ACAP2: variants seen among roughly 807,000 people sequenced by gnomAD.
The protein encoded by ACAP2 is ArfGAP with coiled-coil, ankyrin repeat and PH domains 2, also known as arf-GAP with coiled-coil, ANK repeat and PH domain-containing protein 2.
A neutral mutation model predicts 115.8 loss-of-function variants in ACAP2; 39 were observed. That is an observed-to-expected ratio of 0.34 (90% CI 0.26 to 0.44). The LOEUF (loss-of-function observed/expected upper bound fraction) is 0.44. Ranked by LOEUF, ACAP2 falls within the 20% of genes least tolerant of loss-of-function variation. The pLI is 1.00. For synonymous variants in ACAP2, 289 were observed against 315.8 expected (o/e 0.92, Z 0.90); for missense variants, 662 against 927.6 (o/e 0.71, Z 3.72).
rs146206992 is a variant in ACAP2 at position 195,327,193 on chromosome 3, G to A, written c.670-234C>T. On this transcript the variant is annotated intron_variant, in intron 8 of 22. Transcript: ENST00000326793. ...AAAAATTTCCAAGAACAGTCATGGT[G>A]CCATACATATACGATTGCAGACCGT... Among the ~76,000 whole-genome samples, 77 of 152,258 alleles carry A rather than the reference G, an allele frequency of 5.1e-4. No homozygotes were observed. The East Asian group carries it at 0.015, about 29-fold the overall frequency.
intron 2 of ACAP2, among the ~76,000 whole-genome samples, chr3:195,382,255 A>G (rs189326338): frequency 6.6e-5 from 10 of 152,312 alleles, no homozygotes; most frequent in Non-Finnish European, 1.3e-4. Flanking sequence ...GCTGTGTGAT[A>G]ACAACAACAA....
intron 1 of ACAP2, among the ~76,000 whole-genome samples, chr3:195,399,510 C>T (rs570643510): frequency 2.6e-5 from 4 of 151,884 alleles, no homozygotes; most frequent in African/African-American, 7.2e-5. Flanking sequence ...TTTCCATCTA[C>T]GTTTGTATCT....
intron 1 of ACAP2, among the ~76,000 whole-genome samples, chr3:195,404,151 G>A (rs765242894): frequency 1.3e-5 from 2 of 151,978 alleles, no homozygotes; most frequent in Admixed American, 6.6e-5. Context: ...GACCAGCCTA[G>A]GCAACATACA....
At chr3:195,415,416 A>T (rs1306075213) in intron 1 of ACAP2, among the ~76,000 whole-genome samples, 1 of 151,682 alleles carries the variant, frequency 6.6e-6, no homozygotes, top group African/African-American at 2.4e-5. Context: ...AACTGGGACT[A>T]CGGGCGTGCA....
intron 6 of ACAP2, among the ~76,000 whole-genome samples, chr3:195,338,740 T>C (rs1283825596): frequency 6.6e-6 from 1 of 152,112 alleles, no homozygotes; most frequent in Non-Finnish European, 1.5e-5. Flanking sequence ...TTTATTTTTG[T>C]CTGTTATTAT....
chr3:195,324,833 T>G (rs1729669697), intron 9 of ACAP2, among the ~76,000 whole-genome samples: 1 of 151,950 alleles, frequency 6.6e-6, no homozygotes, highest in Admixed American at 6.6e-5. Flanking sequence ...ATGGAAAGGA[T>G]TTACTGAACA....
chr3:195,298,337 C>T (rs1346732411), intron 15 of ACAP2, among the ~76,000 whole-genome samples: 1 of 147,758 alleles, frequency 6.8e-6, no homozygotes, highest in South Asian at 2.1e-4. Context: ...CCCACTGCAA[C>T]TTCCACGTCC....
At chr3:195,377,484 T>G (rs1281342308) in intron 4 of ACAP2, among the ~76,000 whole-genome samples, 5 of 152,110 alleles carry the variant, frequency 3.3e-5, no homozygotes, top group Non-Finnish European at 1.5e-5. Flanking sequence ...ATTAAATGAC[T>G]TCCCTAAAAT....
In ACAP2 at chr3:195,279,265, G is replaced by GA; in HGVS notation, c.*62dup. 1.8e-6 allele frequency: 2 copies of GA among 1,123,688 alleles called. No homozygotes were observed. Among genetic ancestry groups the GA allele is most frequent in the Non-Finnish European group, 2.6e-6 (2 of 778,052 alleles). The allele number at this position is 1,123,688 out of a possible 1,614,324, so 69.6% of individuals were successfully genotyped here. ...AGAATTAAAGCAGTAAAAAAATTGT[G>GA]ATTTTTTAGCTGTATACATTAGGGG... On this transcript the variant is annotated 3_prime_UTR_variant, in exon 23 of 23. Coordinates refer to ENST00000326793, the MANE Select transcript of ACAP2 (RefSeq NM_012287.6).
intron 10 of ACAP2, among the ~76,000 whole-genome samples, chr3:195,313,582 T>C (rs1728896861): frequency 1.3e-5 from 2 of 152,222 alleles, no homozygotes; most frequent in South Asian, 4.1e-4. Flanking sequence ...TTAATCCATG[T>C]ATATACTTCT....
intron 14 of ACAP2, 22 bp from the exon 15 acceptor site, chr3:195,301,666 G>A (rs1328521022): frequency 3.1e-6 from 5 of 1,593,454 alleles, no homozygotes; most frequent in South Asian, 2.3e-5. Flanking sequence ...AAAGAAGACT[G>A]CATTACTATC....
chr3:195,350,816 A>G (rs1224432928), intron 4 of ACAP2, among the ~76,000 whole-genome samples: 6 of 152,216 alleles, frequency 3.9e-5, no homozygotes, highest in Admixed American at 3.9e-4. Flanking sequence ...TAATAATAAT[A>G]GAGAGGAAAA....
At chr3:195,404,095 C>CT (rs527698655) in intron 1 of ACAP2, among the ~76,000 whole-genome samples, 36 of 152,224 alleles carry the variant, frequency 2.4e-4, no homozygotes, top group African/African-American at 8.2e-4. Context: ...AATCCCAGCT[C>CT]TTTGGAAGGC....
chr3:195,348,055 T>TAAAAA (rs59102931), intron 4 of ACAP2, among the ~76,000 whole-genome samples: 110 of 145,970 alleles, frequency 7.5e-4, no homozygotes, highest in African/African-American at 2.6e-3. Context: ...AGAAAACTTG[T>TAAAAA]AAAAAAAAAA....
chr3:195,389,267 C>A lies in ACAP2; in HGVS notation c.111+2823G>T, dbSNP rs528240257. On this transcript the variant is annotated intron_variant, in intron 2 of 22. Coordinates refer to ENST00000326793, the MANE Select transcript of ACAP2 (RefSeq NM_012287.6). Reference sequence around the variant, plus strand: ...GAATCTTTTGGTCTGAAGATTCTAGCAGTGTGTGTGCCCTACCCCAAGTGA... The same window carrying A: ...GAATCTTTTGGTCTGAAGATTCTAGAAGTGTGTGTGCCCTACCCCAAGTGA... Among the ~76,000 whole-genome samples, 4 of 152,164 alleles carry A rather than the reference C, an allele frequency of 2.6e-5. No homozygotes were observed. The East Asian group carries it at 7.7e-4, about 29-fold the overall frequency.
intron 8 of ACAP2, among the ~76,000 whole-genome samples, chr3:195,332,078 G>A (rs1209452807): frequency 6.7e-6 from 1 of 149,146 alleles, no homozygotes; most frequent in Non-Finnish European, 1.5e-5. Flanking sequence ...AGCTTGCAGT[G>A]AGCCGAGATC....
chr3:195,376,547 AAAC>A (rs1045871382), intron 4 of ACAP2, among the ~76,000 whole-genome samples: 5 of 152,136 alleles, frequency 3.3e-5, no homozygotes, highest in Non-Finnish European at 5.9e-5. Context: ...CATTTCACAA[AAAC>A]AACAACAACA....
chr3:195,311,921 T>A (rs894635626), intron 10 of ACAP2, among the ~76,000 whole-genome samples: 4 of 151,912 alleles, frequency 2.6e-5, no homozygotes, highest in Non-Finnish European at 5.9e-5. Flanking sequence ...AATAACTCAA[T>A]ATAATACACA....
At chr3:195,438,380 T>C (rs1351451977) in intron 1 of ACAP2, among the ~76,000 whole-genome samples, 1 of 144,346 alleles carries the variant, frequency 6.9e-6, no homozygotes, top group Admixed American at 6.9e-5. Flanking sequence ...TCCATTCTAC[T>C]GCTTCTGAGA....
Sources: allele counts gnomAD v4.1 joint callset (sites outside exome capture counted in the v4.1 genomes callset), GRCh38; gene constraint gnomAD v4.1.1; transcripts MANE v1.5; gene names NCBI Gene and HGNC (gene_info 2026-07-23, HGNC 2026-07-21).